Variants in TFB1M observed in about 807,000 individuals in gnomAD.
TFB1M encodes dimethyladenosine transferase 1, mitochondrial.
A neutral mutation model predicts 31.1 loss-of-function variants in TFB1M; 27 were observed. That is an observed-to-expected ratio of 0.87 (90% confidence interval 0.64 to 1.20). The LOEUF (loss-of-function observed/expected upper bound fraction) is 1.20, where lower values mean the gene tolerates loss of function less well. Among genes scored for constraint, TFB1M ranks in the 50% most tolerant of loss-of-function variants. TFB1M has a pLI of 0.00. For synonymous variants in TFB1M, 166 were observed against 151.8 expected (o/e 1.09, Z -0.69); for missense variants, 394 against 418.7 (o/e 0.94, Z 0.51).
intron 2 of TFB1M, among the ~76,000 whole-genome samples, chr6:155,308,611 C>A (rs568425722): frequency 1.3e-5 from 2 of 152,144 alleles, no homozygotes; most frequent in Non-Finnish European, 2.9e-5. Context: ...CAAAACTATA[C>A]TATACTAAAC....
chr6:155,286,558 T>C (rs1776654766), intron 4 of TFB1M, among the ~76,000 whole-genome samples: 1 of 148,208 alleles, frequency 6.7e-6, no homozygotes, highest in African/African-American at 2.5e-5. Flanking sequence ...TGTGTGTATA[T>C]ATATGTATAT....
At chr6:155,239,932 T>C in the TFB1M span, among the ~76,000 whole-genome samples, 4 of 151,570 alleles carry the variant, frequency 2.6e-5, no homozygotes, top group Non-Finnish European at 5.9e-5. Flanking sequence ...TCTACTCCAT[T>C]ACTAGCATGT....
intron 6 of TFB1M, among the ~76,000 whole-genome samples, chr6:155,259,484 G>C (rs1784290904): frequency 6.6e-6 from 1 of 152,244 alleles, no homozygotes; most frequent in Non-Finnish European, 1.5e-5. Flanking sequence ...ATAATCTGCT[G>C]TCATTTCATA....
rs141658208 is a variant in TFB1M at position 155,285,413 on chromosome 6, CAT to C, written c.547-138_547-137del. The C allele has an allele frequency of 3.5e-3, 3,212 of 909,122 alleles. 68 individuals are homozygous for C. In the East Asian group the frequency reaches 0.058, roughly 16 times the overall value. 56.3% of individuals were successfully genotyped at this position (909,122 alleles called of 1,614,324 possible). On this transcript the variant is annotated intron_variant, in intron 4 of 6. Coordinates refer to ENST00000367166, the MANE Select transcript of TFB1M (RefSeq NM_016020.4). ...TTTGAAAAGAATGGGCTATCTGACA[CAT>C]GACACACAGCAAACATGGGGAATAT...
intron 5 of TFB1M, chr6:155,260,698 T>C: frequency 2.2e-6 from 1 of 452,060 alleles, no homozygotes; most frequent in Non-Finnish European, 4.1e-6. Flanking sequence ...TCAATCCAAA[T>C]CATTAAAGTC....
At chr6:155,269,324 CTTTTTTT>C (rs60162262) in intron 5 of TFB1M, among the ~76,000 whole-genome samples, 27 of 127,242 alleles carry the variant, frequency 2.1e-4, no homozygotes, top group Admixed American at 1.6e-3. Flanking sequence ...CTTTTCTTTT[CTTTTTTT>C]TTTTTTTTGA....
chr6:155,286,637 A>ATGTGTGCATATG (rs1776667846), intron 4 of TFB1M, among the ~76,000 whole-genome samples: 2 of 131,906 alleles, frequency 1.5e-5, no homozygotes, highest in African/African-American at 5.5e-5. Flanking sequence ...GTGTGCATAT[A>ATGTGTGCATATG]TGTGTGTGTG....
At chr6:155,244,938 G>C in the TFB1M span, 2 of 984,700 alleles carry the variant, frequency 2.0e-6, no homozygotes, top group East Asian at 5.8e-5. Context: ...TCCTCTGTCA[G>C]GTGGTAAAGG....
At chr6:155,286,503 ATATATATGTGTG>A (rs1156624146) in intron 4 of TFB1M, among the ~76,000 whole-genome samples, 6 of 140,524 alleles carry the variant, frequency 4.3e-5, no homozygotes, top group African/African-American at 8.5e-5. Context: ...ATATGTGTGT[ATATATATGTGTG>A]TATATATATG....
chr6:155,266,200 A>C (rs930490598), intron 5 of TFB1M, among the ~76,000 whole-genome samples: 10 of 152,132 alleles, frequency 6.6e-5, no homozygotes, highest in Admixed American at 6.5e-4. Context: ...ATTTTTTTTA[A>C]AATTCAGAAC....
downstream of TFB1M, among the ~76,000 whole-genome samples, chr6:155,252,674 C>T (rs1489298647): frequency 6.6e-6 from 1 of 152,184 alleles, no homozygotes; most frequent in Non-Finnish European, 1.5e-5. Context: ...GTTTACCATT[C>T]AGAGGCAGCG....
chr6:155,256,002 A>G (rs2115374258), downstream of TFB1M: 1 of 177,670 alleles, frequency 5.6e-6, no homozygotes, highest in South Asian at 7.3e-5. Flanking sequence ...AGAGCAAGAC[A>G]CTGTCTTTAA....
At position 155,314,408 on chromosome 6, in the gene TFB1M, GAGTTT is replaced by G; in HGVS notation, c.16_20del (p.Lys6GlnfsTer16). On this transcript the variant is annotated frameshift_variant, in exon 1 of 7. Coordinates refer to ENST00000367166, the MANE Select transcript of TFB1M (RefSeq NM_016020.4). LOFTEE classifies it high-confidence loss of function. The stretch of plus-strand genomic sequence containing the variant: ...GCAACGGAGGGAGACGGCAAGTGCT[GAGTTT>G]TCCGGAGGCAGCCATGATACGCGGC... 1 of 1,614,252 alleles carries G rather than the reference GAGTTT, an allele frequency of 6.2e-7. No homozygotes were observed. Among genetic ancestry groups the G allele is most frequent in the Non-Finnish European group, 8.5e-7 (1 of 1,180,050 alleles).
At chr6:155,256,024 G>GGA (rs1783996121), downstream of TFB1M, 3 of 196,016 alleles carry the variant, frequency 1.5e-5, no homozygotes, top group Middle Eastern at 2.2e-3. Flanking sequence ...AAAAAAGGGG[G>GGA]GGGGAGGGGC....
At chr6:155,242,914 C>T in the TFB1M span, among the ~76,000 whole-genome samples, 240 of 126,474 alleles carry the variant, frequency 1.9e-3, no homozygotes, top group South Asian at 2.1e-3. Flanking sequence ...TTTTTTTTTT[C>T]TTTTTTTTAG....
intron 4 of TFB1M, among the ~76,000 whole-genome samples, chr6:155,295,562 T>C (rs1393178780): frequency 6.6e-6 from 1 of 151,870 alleles, no homozygotes; most frequent in Non-Finnish European, 1.5e-5. Flanking sequence ...ATGTTGGGGG[T>C]GGGGATTCAG....
rs940486054 is a variant in TFB1M, at chr6:155,272,704, C to T, written c.667-12304G>A. Among the ~76,000 whole-genome samples the T allele has an allele frequency of 2.6e-5, 4 of 152,138 alleles. No individual in the cohort carries two copies. In the South Asian group the frequency reaches 8.3e-4, roughly 32 times the overall value. On this transcript the variant is annotated intron_variant, in intron 5 of 6. Transcript: ENST00000367166. ...TCATTTGGAGAACAAATTCTTTCTACATAAGTTCTCTATGCAGAAAAAAAA... is the reference window on the plus strand; with the variant it reads ...TCATTTGGAGAACAAATTCTTTCTATATAAGTTCTCTATGCAGAAAAAAAA...
Position 155,262,471 on chromosome 6 carries a change from T to C in TFB1M, c.667-2071A>G, listed in dbSNP as rs930209373. Among the ~76,000 whole-genome samples the C allele has an allele frequency of 6.6e-5, 10 of 152,286 alleles. No individual in the cohort carries two copies. In the East Asian group the frequency reaches 9.6e-4, roughly 15 times the overall value. ...TCATCCCCTGAGCTTCCTGGCACCC[T>C]TGTCCCTGCCTCCCGTTCTCCAGGA... On this transcript the variant is annotated intron_variant, in intron 5 of 6. Transcript: ENST00000367166.
At chr6:155,243,311 AG>A in the TFB1M span, among the ~76,000 whole-genome samples, 1 of 152,118 alleles carries the variant, frequency 6.6e-6, no homozygotes, top group Non-Finnish European at 1.5e-5. Flanking sequence ...GTGCTCCCTG[AG>A]GCAGAAGAGG....
Sources: gnomAD v4.1 joint callset for allele counts (sites outside exome capture counted in the v4.1 genomes callset) on GRCh38, gnomAD v4.1.1 for gene constraint, MANE v1.5 for transcripts, NCBI Gene and HGNC (gene_info 2026-07-23, HGNC 2026-07-21) for gene names.